SMOC2: variants seen among roughly 807,000 people sequenced by gnomAD.
SMOC2 encodes the protein SPARC related modular calcium binding 2, also known as SPARC-related modular calcium-binding protein 2.
SMOC2 carries 39 observed loss-of-function variants against 61.4 expected under a neutral mutation model. That is an observed-to-expected ratio of 0.64 (90% CI 0.49 to 0.83). The LOEUF is 0.83. SMOC2 is among the 40% of genes least tolerant of loss of function. SMOC2 has a pLI of 0.00. For synonymous variants in SMOC2, 247 were observed against 239.9 expected, an observed-to-expected ratio of 1.03 and a Z score of -0.27; for missense variants, 556 against 592.9, an observed-to-expected ratio of 0.94 and a Z score of 0.65.
intron 4 of SMOC2, among the ~76,000 whole-genome samples, chr6:168,532,837 G>C (rs945379927): frequency 1.3e-5 from 2 of 152,134 alleles, no homozygotes; most frequent in African/African-American, 2.4e-5. Context: ...CTAAAGTAGG[G>C]ACCAGGCCTC....
chr6:168,655,499 C>T (rs1455185781), intron 11 of SMOC2: 4 of 443,158 alleles, frequency 9.0e-6, no homozygotes, highest in East Asian at 7.0e-5. Context: ...CTGTGAGATG[C>T]GTGCATGCCC....
intron 7 of SMOC2, among the ~76,000 whole-genome samples, chr6:168,587,769 A>T (rs1173154493): frequency 6.6e-6 from 1 of 152,176 alleles, no homozygotes; most frequent in Non-Finnish European, 1.5e-5. Flanking sequence ...TTACCTTTGT[A>T]GCCCTCTTAT....
intron 8 of SMOC2, 83 bp downstream of exon 8, chr6:168,599,087 C>A: frequency 8.0e-7 from 1 of 1,245,768 alleles, no homozygotes; most frequent in Non-Finnish European, 1.1e-6. Context: ...CCCACTTCCC[C>A]CAACACACAC....
Position 168,650,730 on chromosome 6 carries a change from G to T in SMOC2, c.957G>T (p.Ala319=). The T allele has an allele frequency of 1.2e-6, 2 of 1,613,544 alleles. No individual in the cohort carries two copies. Among genetic ancestry groups the T allele is most frequent in the Non-Finnish European group, 1.7e-6 (2 of 1,179,974 alleles). Residue 319 remains alanine (A), a synonymous_variant, in exon 10 of 13, where the codon GCG becomes GCT. Coordinates refer to ENST00000356284, the MANE Select transcript of SMOC2 (RefSeq NM_001166412.2). ...KHEFLTSVLD[A]LSTDMVHAAS... ...AGTTTCTGACCAGCGTTCTGGACGC[G>T]CTGTCCACGGACATGGTCCACGCCG...
intron 7 of SMOC2, among the ~76,000 whole-genome samples, chr6:168,585,592 G>C (rs1467391724): frequency 6.6e-6 from 1 of 152,220 alleles, no homozygotes; most frequent in East Asian, 1.9e-4. Flanking sequence ...TAGGTTTCCA[G>C]AGTAGCCCCA....
intron 1 of SMOC2, among the ~76,000 whole-genome samples, chr6:168,507,248 CA>C (rs1782893042): frequency 6.6e-6 from 1 of 152,210 alleles, no homozygotes; most frequent in Non-Finnish European, 1.5e-5. Flanking sequence ...ACCTCTTAAA[CA>C]TAAAAATTAA....
intron 9 of SMOC2, among the ~76,000 whole-genome samples, chr6:168,643,532 C>T (rs1046150963): frequency 6.6e-6 from 1 of 152,178 alleles, no homozygotes; most frequent in African/African-American, 2.4e-5. Context: ...CACTCCACAC[C>T]ACTGCACCTC....
chr6:168,644,716 C>T (rs1786980905), intron 9 of SMOC2, among the ~76,000 whole-genome samples: 2 of 139,548 alleles, frequency 1.4e-5, no homozygotes, highest in Admixed American at 8.2e-5. Flanking sequence ...GTGGTACGAT[C>T]GCAGCTCACT....
intron 8 of SMOC2, among the ~76,000 whole-genome samples, chr6:168,603,003 G>C (rs1785592148): frequency 6.6e-6 from 1 of 152,174 alleles, no homozygotes; most frequent in Non-Finnish European, 1.5e-5. Context: ...TGTCGTGGGA[G>C]GGACCTACCC....
At position 168,664,014 on chromosome 6, in the gene SMOC2, A is replaced by C. The variant is rs1344886879; in HGVS notation, c.1286-60A>C. 4 of 1,419,856 alleles carry C rather than the reference A, an allele frequency of 2.8e-6. No homozygotes were observed. In the Admixed American group the frequency reaches 7.4e-5, roughly 26 times the overall value. 88.0% of individuals were successfully genotyped at this position (1,419,856 alleles called of 1,614,324 possible). ...TGGACTCCTTCCTGAAATTGTGTTG[A>C]ACCTTTCATTAAATAATGAGTCTCT... On this transcript the variant is annotated intron_variant, in intron 11 of 12. Transcript: ENST00000356284.
intron 7 of SMOC2, among the ~76,000 whole-genome samples, chr6:168,589,282 C>T (rs1785118363): frequency 6.6e-6 from 1 of 152,186 alleles, no homozygotes; most frequent in Non-Finnish European, 1.5e-5. Context: ...CACTAAATAA[C>T]AATGTTATGC....
At chr6:168,617,477 G>A (rs1050648917) in intron 9 of SMOC2, among the ~76,000 whole-genome samples, 2 of 152,112 alleles carry the variant, frequency 1.3e-5, no homozygotes, top group Admixed American at 6.5e-5. Context: ...GGGGCAGGAA[G>A]CTGGAGCTAT....
intron 1 of SMOC2, among the ~76,000 whole-genome samples, chr6:168,500,119 C>T (rs1280054892): frequency 6.6e-6 from 1 of 151,666 alleles, no homozygotes; most frequent in Admixed American, 6.6e-5. Context: ...CCAGCCTGGG[C>T]AACATCCCAA....
Position 168,527,224 on chromosome 6 carries a change from C to T in SMOC2, c.364-404C>T, listed in dbSNP as rs137954995. Among the ~76,000 whole-genome samples, 407 of 152,122 alleles carry T rather than the reference C, an allele frequency of 2.7e-3. 3 individuals are homozygous for T. The highest frequency in any genetic ancestry group is 9.5e-3 in the African/African-American group (394 of 41,486). On this transcript the variant is annotated intron_variant, in intron 3 of 12. Coordinates refer to ENST00000356284, the MANE Select transcript of SMOC2 (RefSeq NM_001166412.2). Reference sequence around the variant, plus strand: ...GTTCTGGCCCTGGTTGCAGGGGGAGCGGGCGGTGCAGGCTGCAGAGTGAAC... The same window carrying T: ...GTTCTGGCCCTGGTTGCAGGGGGAGTGGGCGGTGCAGGCTGCAGAGTGAAC...
chr6:168,501,411 T>C (rs2609332), intron 1 of SMOC2, among the ~76,000 whole-genome samples: 82,056 of 151,966 alleles, frequency 0.54, 23,117 homozygotes, highest in East Asian at 0.76. Flanking sequence ...ATCCGTCCCT[T>C]GCTGCGGTGC....
At chr6:168,575,833 A>C (rs1784790430) in intron 7 of SMOC2, among the ~76,000 whole-genome samples, 1 of 152,108 alleles carries the variant, frequency 6.6e-6, no homozygotes, top group Non-Finnish European at 1.5e-5. Flanking sequence ...AAGATGACCG[A>C]CTTCCTTGAT....
At chr6:168,473,391 C>G (rs935146661) in intron 1 of SMOC2, among the ~76,000 whole-genome samples, 28 of 152,198 alleles carry the variant, frequency 1.8e-4, no homozygotes, top group Admixed American at 1.8e-3. Context: ...TTCCCTGCAG[C>G]ACCGCCCTTA....
chr6:168,524,124 C>T (rs866917193), intron 2 of SMOC2, among the ~76,000 whole-genome samples: 3 of 152,096 alleles, frequency 2.0e-5, no homozygotes, highest in South Asian at 4.2e-4. Context: ...CATTCTCTGG[C>T]AATTTTGTGC....
At chr6:168,590,239 G>A (rs4407689) in intron 7 of SMOC2, among the ~76,000 whole-genome samples, 15,797 of 51,878 alleles carry the variant, frequency 0.3, 3,587 homozygotes, top group Middle Eastern at 0.46. Context: ...ATTAGTTTAC[G>A]GGGCAGCCGG....
Sources: gnomAD v4.1 joint callset for allele counts (sites outside exome capture counted in the v4.1 genomes callset) on GRCh38, gnomAD v4.1.1 for gene constraint, MANE v1.5 for transcripts, NCBI Gene and HGNC (gene_info 2026-07-23, HGNC 2026-07-21) for gene names.